C1orf87: variants seen among roughly 807,000 people sequenced by gnomAD.
The protein encoded by C1orf87 is uncharacterized protein C1orf87.
In C1orf87, 58 loss-of-function variants were observed where a neutral mutation model predicts 60.5. That is an observed-to-expected ratio of 0.96 (90% confidence interval 0.78 to 1.19). The LOEUF (loss-of-function observed/expected upper bound fraction) is 1.19, where lower values mean the gene tolerates loss of function less well. C1orf87 is among the 50% of genes most tolerant of loss of function. The pLI, the probability that C1orf87 is intolerant of heterozygous loss-of-function variation, is 0.00. For missense variants in C1orf87, 673 were observed against 638.6 expected, an observed-to-expected ratio of 1.05 and a Z score of -0.58; for synonymous variants, 236 against 227.4, an observed-to-expected ratio of 1.04 and a Z score of -0.34.
At chr1:60,055,459 A>G in intron 2 of C1orf87, 21 bp from the exon 3 acceptor site, 1 of 1,602,348 alleles carries the variant, frequency 6.2e-7, no homozygotes, top group East Asian at 2.2e-5. Flanking sequence ...AGAATTGTAT[A>G]CTTTGTTACT....
At chr1:60,045,914 C>G (rs1038973373) in intron 3 of C1orf87, among the ~76,000 whole-genome samples, 4 of 152,142 alleles carry the variant, frequency 2.6e-5, no homozygotes, top group African/African-American at 9.7e-5. Flanking sequence ...TTAAAAATTC[C>G]TTATTATTAA....
At chr1:60,031,541 G>A (rs767603997) in intron 7 of C1orf87, among the ~76,000 whole-genome samples, 100 of 152,278 alleles carry the variant, frequency 6.6e-4, no homozygotes, top group Admixed American at 6.5e-4. Context: ...CTGTTTTGAA[G>A]TGAGACCCTC....
chr1:60,005,182 T>A (rs1645035281), intron 9 of C1orf87, among the ~76,000 whole-genome samples: 1 of 152,196 alleles, frequency 6.6e-6, no homozygotes, highest in East Asian at 1.9e-4. Flanking sequence ...TAAAGAATTA[T>A]CCCTGTGAGG....
intron 7 of C1orf87, among the ~76,000 whole-genome samples, chr1:60,032,962 G>T (rs1200022307): frequency 6.6e-6 from 1 of 152,180 alleles, no homozygotes; most frequent in Non-Finnish European, 1.5e-5. Flanking sequence ...GAAGCCTTAT[G>T]ATGGGGTTTA....
intron 3 of C1orf87, 126 bp from the exon 4 acceptor site, chr1:60,041,257 C>A (rs981118534): frequency 1.1e-4 from 93 of 838,312 alleles, no homozygotes; most frequent in Non-Finnish European, 1.6e-4. Flanking sequence ...TCTAAATGAA[C>A]TTTAGCCCAT....
rs1343345301 is a variant in C1orf87, at chr1:60,054,321, C to T, written c.342+883G>A. ...GTCCATAGATAGGCTGTTAACCACT[C>T]CAAAATTTGATCCTTTGCATGGTTC... On this transcript the variant is annotated intron_variant, in intron 3 of 11. Coordinates refer to ENST00000371201, the MANE Select transcript of C1orf87 (RefSeq NM_152377.3). Among the ~76,000 whole-genome samples, 6 of 152,152 alleles carry T rather than the reference C, an allele frequency of 3.9e-5. No homozygotes were observed. In the East Asian group the frequency reaches 1.2e-3, roughly 29 times the overall value.
At chr1:60,059,612 G>A (rs1033831801) in intron 2 of C1orf87, among the ~76,000 whole-genome samples, 3 of 152,088 alleles carry the variant, frequency 2.0e-5, no homozygotes, top group Non-Finnish European at 2.9e-5. Flanking sequence ...GGGATCCCCC[G>A]CTGGCCCCAC....
intron 3 of C1orf87, among the ~76,000 whole-genome samples, chr1:60,053,680 A>C (rs1486919511): frequency 1.3e-5 from 2 of 152,210 alleles, no homozygotes; most frequent in African/African-American, 4.8e-5. Context: ...AGAAAGGAAA[A>C]GAAAACCACT....
At chr1:60,013,564 CA>C (rs1645104063) in intron 8 of C1orf87, among the ~76,000 whole-genome samples, 1 of 151,640 alleles carries the variant, frequency 6.6e-6, no homozygotes, top group African/African-American at 2.4e-5. Flanking sequence ...TTATACTCTA[CA>C]AAAAAATCAA....
intron 8 of C1orf87, among the ~76,000 whole-genome samples, chr1:60,016,668 G>C (rs945402708): frequency 3.9e-5 from 6 of 152,170 alleles, no homozygotes; most frequent in Non-Finnish European, 5.9e-5. Context: ...ACTCATGCTG[G>C]GTTTCTCCAT....
chr1:60,005,354 T>A (rs1292760448), intron 9 of C1orf87, among the ~76,000 whole-genome samples: 1 of 152,088 alleles, frequency 6.6e-6, no homozygotes, highest in Admixed American at 6.6e-5. Context: ...TAGGACAGAA[T>A]CTTTGCTTCA....
At chr1:60,073,026 G>C (rs548057001) in intron 1 of C1orf87, among the ~76,000 whole-genome samples, 1 of 152,276 alleles carries the variant, frequency 6.6e-6, no homozygotes, top group South Asian at 2.1e-4. Flanking sequence ...TTCCAGTGAG[G>C]TCAGAGCAGA....
intron 3 of C1orf87, among the ~76,000 whole-genome samples, chr1:60,043,033 A>G (rs1287268173): frequency 6.6e-6 from 1 of 152,198 alleles, no homozygotes; most frequent in African/African-American, 2.4e-5. Flanking sequence ...AGGGAGGAGG[A>G]GAGGACAAGA....
At chr1:60,029,311 GAAAC>G (rs1645220433) in intron 7 of C1orf87, among the ~76,000 whole-genome samples, 2 of 152,024 alleles carry the variant, frequency 1.3e-5, no homozygotes, top group African/African-American at 4.8e-5. Flanking sequence ...CTGGATTATT[GAAAC>G]AGCCTTCTAA....
intron 11 of C1orf87, among the ~76,000 whole-genome samples, chr1:59,993,295 G>A (rs1557452503): frequency 6.6e-6 from 1 of 150,642 alleles, no homozygotes; most frequent in African/African-American, 2.4e-5. Flanking sequence ...AGGGAAAGAA[G>A]GAAAAGAAAA....
chr1:60,003,021 C>T (rs1159076857), intron 9 of C1orf87, among the ~76,000 whole-genome samples: 3 of 151,114 alleles, frequency 2.0e-5, no homozygotes, highest in Non-Finnish European at 2.9e-5. Context: ...CACATGCACA[C>T]GTATGTTTAT....
At chr1:60,035,546 T>G (rs548782034) in intron 6 of C1orf87, among the ~76,000 whole-genome samples, 8 of 152,212 alleles carry the variant, frequency 5.3e-5, no homozygotes, top group African/African-American at 1.9e-4. Flanking sequence ...TCCTGATCCA[T>G]ACCTTAATTA....
Position 60,038,043 on chromosome 1 carries a change from T to C in C1orf87, c.812A>G (p.Lys271Arg), listed in dbSNP as rs766769461. Residue 271 changes from lysine (K) to arginine (R), a missense_variant, in exon 6 of 12, where the codon AAA becomes AGA. Physicochemically the swap from Lys to Arg is conservative, Grantham distance 26. Coordinates refer to ENST00000371201, the MANE Select transcript of C1orf87 (RefSeq NM_152377.3). ...SAASDYPQQNKAAADLRKTES... is the reference protein window; with the variant it reads ...SAASDYPQQNRAAADLRKTES... ...AGTTTTTCTCAGGTCTGCAGCTGCT[T>C]TATTTTGCTGTGGATAATCTGATGC... is the stretch of plus-strand genomic sequence containing the variant. 3 of 1,610,676 alleles carry C rather than the reference T, an allele frequency of 1.9e-6. No homozygotes were observed. Among genetic ancestry groups the C allele is most frequent in the Admixed American group, 3.3e-5 (2 of 59,944 alleles).
intron 2 of C1orf87, among the ~76,000 whole-genome samples, chr1:60,058,713 A>G (rs1645473938): frequency 6.6e-6 from 1 of 152,214 alleles, no homozygotes; most frequent in Admixed American, 6.5e-5. Flanking sequence ...GCTTTTCAGT[A>G]GTGGAGCCAG....
Sources: gnomAD v4.1 joint callset for allele counts (sites outside exome capture counted in the v4.1 genomes callset) on GRCh38, gnomAD v4.1.1 for gene constraint, MANE v1.5 for transcripts, NCBI Gene and HGNC (gene_info 2026-07-23, HGNC 2026-07-21) for gene names.